NYAP2: variants seen among roughly 807,000 people sequenced by gnomAD.
NYAP2 encodes neuronal tyrosine-phosphorylated phosphoinositide-3-kinase adaptor 2, also known as neuronal tyrosine-phosphorylated phosphoinositide-3-kinase adapter 2.
Under a neutral mutation model 50.4 loss-of-function variants are expected in NYAP2, and 23 were observed. The ratio of observed to expected loss-of-function variants is 0.46; its 90% CI spans 0.33 to 0.65. The LOEUF (loss-of-function observed/expected upper bound fraction) is 0.65, where lower values mean the gene tolerates loss of function less well. NYAP2 is among the 30% of genes least tolerant of loss of function. The pLI, the probability that NYAP2 is intolerant of heterozygous loss-of-function variation, is 0.02. For missense variants in NYAP2, 885 were observed against 861.0 expected, an observed-to-expected ratio of 1.03 and a Z score of -0.35; for synonymous variants, 394 against 365.2, an observed-to-expected ratio of 1.08 and a Z score of -0.90.
chr2:225,549,274 C>G (rs1426587991), intron 4 of NYAP2, among the ~76,000 whole-genome samples: 1 of 152,164 alleles, frequency 6.6e-6, no homozygotes, highest in Admixed American at 6.5e-5. Context: ...CTTGTCTCTA[C>G]TTAACATTTT....
At chr2:225,650,403 A>C (rs2106271873) in intron 6 of NYAP2, among the ~76,000 whole-genome samples, 1 of 152,300 alleles carries the variant, frequency 6.6e-6, no homozygotes, top group Middle Eastern at 3.4e-3. Flanking sequence ...ATGTCATATT[A>C]TTTAAAGCCA....
intron 4 of NYAP2, among the ~76,000 whole-genome samples, chr2:225,515,713 T>TCATTTCTC (rs1690918976): frequency 6.6e-6 from 1 of 152,216 alleles, no homozygotes; most frequent in Non-Finnish European, 1.5e-5. Flanking sequence ...ATGGTGCTTT[T>TCATTTCTC]CATTTCTCTT....
intron 6 of NYAP2, among the ~76,000 whole-genome samples, chr2:225,633,540 C>T (rs542325456): frequency 6.6e-6 from 1 of 152,316 alleles, no homozygotes; most frequent in South Asian, 2.1e-4. Context: ...GTTTTTCCCA[C>T]TTTTCTTGAA....
chr2:225,568,923 A>T (rs530099029), intron 4 of NYAP2, among the ~76,000 whole-genome samples: 1 of 152,216 alleles, frequency 6.6e-6, no homozygotes, highest in Non-Finnish European at 1.5e-5. Flanking sequence ...ATCAACTAAA[A>T]AAAGGGAGAT....
intron 3 of NYAP2, among the ~76,000 whole-genome samples, chr2:225,507,032 C>T (rs1412586648): frequency 1.3e-5 from 2 of 152,156 alleles, no homozygotes; most frequent in African/African-American, 4.8e-5. Context: ...AATATCACTA[C>T]AGAAAAGAAT....
intron 5 of NYAP2, among the ~76,000 whole-genome samples, chr2:225,619,085 C>T (rs1693043571): frequency 6.6e-6 from 1 of 152,128 alleles, no homozygotes; most frequent in South Asian, 2.1e-4. Flanking sequence ...CTAAAAAGAA[C>T]AGTAGGAGAA....
chr2:225,665,876 C>A, the NYAP2 span, among the ~76,000 whole-genome samples: 3 of 125,042 alleles, frequency 2.4e-5, no homozygotes, highest in East Asian at 2.4e-4. Context: ...GTGAGGCAAA[C>A]GAGGTGGCCT....
At chr2:225,432,732 T>C (rs532378601) in intron 3 of NYAP2, among the ~76,000 whole-genome samples, 6 of 152,302 alleles carry the variant, frequency 3.9e-5, no homozygotes, top group East Asian at 1.9e-4. Context: ...CTCTGTGTGA[T>C]AGTCTAAGCA....
chr2:225,536,864 C>T (rs758559951), intron 4 of NYAP2, among the ~76,000 whole-genome samples: 32 of 151,154 alleles, frequency 2.1e-4, no homozygotes, highest in Non-Finnish European at 3.8e-4. Context: ...CTGCAAGCTC[C>T]GCCTCCCGGG....
At chr2:225,426,569 G>A (rs1376207342) in intron 3 of NYAP2, among the ~76,000 whole-genome samples, 2 of 152,172 alleles carry the variant, frequency 1.3e-5, no homozygotes, top group Admixed American at 6.5e-5. Flanking sequence ...GAAGCTAGTC[G>A]TGTGGTGTAA....
At chr2:225,412,196 A>G (rs1695054183) in intron 3 of NYAP2, among the ~76,000 whole-genome samples, 2 of 131,832 alleles carry the variant, frequency 1.5e-5, no homozygotes, top group African/African-American at 5.5e-5. Flanking sequence ...TGACCTCATG[A>G]TCCGCCTGCC....
the NYAP2 span, among the ~76,000 whole-genome samples, chr2:225,684,802 C>T: frequency 6.6e-5 from 10 of 152,144 alleles, no homozygotes; most frequent in South Asian, 2.1e-4. Context: ...CTGCCCCCCT[C>T]GGCCTCCCAA....
intron 2 of NYAP2, among the ~76,000 whole-genome samples, chr2:225,408,089 T>C (rs901554988): frequency 6.6e-6 from 1 of 151,948 alleles, no homozygotes; most frequent in Non-Finnish European, 1.5e-5. Context: ...ATTCCTATGC[T>C]TTTTTGTTTT....
At chr2:225,432,144 A>ATTTTTTTTTTTTTT (rs751205603) in intron 3 of NYAP2, among the ~76,000 whole-genome samples, 1 of 119,522 alleles carries the variant, frequency 8.4e-6, no homozygotes, top group African/African-American at 3.3e-5. Flanking sequence ...CGCCCGCCTA[A>ATTTTTTTTTTTTTT]TTTTTTTTTT....
chr2:225,671,378 C>G, the NYAP2 span, among the ~76,000 whole-genome samples: 1 of 152,132 alleles, frequency 6.6e-6, no homozygotes, highest in South Asian at 2.1e-4. Context: ...CAAGAAACCA[C>G]TTTCTTTGTT....
rs142173405 is a variant in NYAP2, at chr2:225,587,561, G to C, written c.1618+4526G>C. ...AGGACTTGATCCTGCCAGAACTTTT[G>C]GAATCTTCCTCATGGTATCCTCTGA... On this transcript the variant is annotated intron_variant, in intron 5 of 6. Transcript: ENST00000636099. Among the ~76,000 whole-genome samples the C allele has an allele frequency of 4.4e-3, 676 of 152,200 alleles. 1 individual carries two copies. The highest frequency in any genetic ancestry group is 0.014 in the Middle Eastern group (4 of 292).
the NYAP2 span, among the ~76,000 whole-genome samples, chr2:225,672,759 C>T: frequency 6.6e-6 from 1 of 151,790 alleles, no homozygotes; most frequent in South Asian, 2.1e-4. Context: ...ATTAATTGGC[C>T]TAATTTCAAC....
intron 4 of NYAP2, among the ~76,000 whole-genome samples, chr2:225,544,548 A>C (rs1691535881): frequency 6.6e-6 from 1 of 152,114 alleles, no homozygotes; most frequent in South Asian, 2.1e-4. Context: ...AAACTTTCTG[A>C]AAAAGAAAAC....
At chr2:225,613,936 A>G (rs552117286) in intron 5 of NYAP2, among the ~76,000 whole-genome samples, 8 of 152,304 alleles carry the variant, frequency 5.3e-5, no homozygotes, top group African/African-American at 1.9e-4. Flanking sequence ...GTGAAGGTGT[A>G]TTTTAAAACA....
Sources: gnomAD v4.1 joint callset for allele counts (sites outside exome capture counted in the v4.1 genomes callset) on GRCh38, gnomAD v4.1.1 for gene constraint, MANE v1.5 for transcripts, NCBI Gene and HGNC (gene_info 2026-07-23, HGNC 2026-07-21) for gene names.